TRDN: variants seen among roughly 807,000 people sequenced by gnomAD.
TRDN encodes the protein triadin in skeletal muscle.
Under a neutral mutation model 149.7 loss-of-function variants are expected in TRDN, and 161 were observed. That is an observed-to-expected ratio of 1.08 (90% CI 0.95 to 1.23). The LOEUF is 1.23. Ranked by LOEUF, TRDN falls within the 50% of genes most tolerant of loss-of-function variation. The pLI, the probability that TRDN is intolerant of heterozygous loss-of-function variation, is 0.00. For synonymous variants in TRDN, 294 were observed against 250.5 expected (o/e 1.17, Z -1.64); for missense variants, 896 against 823.5 (o/e 1.09, Z -1.08).
intron 12 of TRDN, among the ~76,000 whole-genome samples, chr6:123,416,990 A>G (rs940789901): frequency 3.9e-5 from 6 of 152,228 alleles, no homozygotes; most frequent in African/African-American, 1.2e-4. Context: ...GGCGTGAGCC[A>G]CCACGCCCAG....
chr6:123,321,888 C>T (rs1779256084), intron 23 of TRDN, among the ~76,000 whole-genome samples: 1 of 151,662 alleles, frequency 6.6e-6, no homozygotes. Flanking sequence ...ATTTCACTGC[C>T]TTTGAGTTTG....
At chr6:123,423,716 T>C (rs17738364) in intron 12 of TRDN, among the ~76,000 whole-genome samples, 7,911 of 152,252 alleles carry the variant, frequency 0.052, 285 homozygotes, top group Middle Eastern at 0.099. Context: ...AATCATAGTC[T>C]TGAAATACCT....
At chr6:123,334,390 G>T (rs945691689) in intron 22 of TRDN, among the ~76,000 whole-genome samples, 1 of 152,076 alleles carries the variant, frequency 6.6e-6, no homozygotes, top group Admixed American at 6.6e-5. Context: ...CAGAGGAGGA[G>T]AAATTACTTA....
chr6:123,464,474 C>A (rs1346273672), intron 10 of TRDN: 38 of 985,728 alleles, frequency 3.9e-5, no homozygotes, highest in Non-Finnish European at 4.6e-5. Flanking sequence ...GATGGCAAAA[C>A]TCATGAAGAG....
At chr6:123,270,818 G>A (rs574582324) in intron 30 of TRDN, among the ~76,000 whole-genome samples, 37 of 151,988 alleles carry the variant, frequency 2.4e-4, no homozygotes, top group African/African-American at 8.4e-4. Flanking sequence ...AGGAAATGTG[G>A]TTTAAAAATA....
chr6:123,460,355 A>T (rs1484475435), intron 10 of TRDN, among the ~76,000 whole-genome samples: 1 of 152,180 alleles, frequency 6.6e-6, no homozygotes, highest in Admixed American at 6.5e-5. Context: ...TTCCTGATGT[A>T]AAAAATATTA....
chr6:123,355,972 A>T (rs1048446519), intron 20 of TRDN, among the ~76,000 whole-genome samples: 7 of 151,890 alleles, frequency 4.6e-5, no homozygotes, highest in African/African-American at 1.7e-4. Flanking sequence ...TTCATTTGAC[A>T]TTTTATGCAG....
chr6:123,280,253 C>T (rs1024586321), intron 24 of TRDN, among the ~76,000 whole-genome samples: 8 of 152,038 alleles, frequency 5.3e-5, no homozygotes, highest in African/African-American at 1.9e-4. Context: ...ATTAAGTCAT[C>T]AGAAGAGCAC....
rs1338865455 is a variant in TRDN at position 123,235,224 on chromosome 6, T to C, written c.1976-11093A>G. ...GGGGATCAGTCTCTCAGATAGCCAA[T>C]AGGTATTTCCCAAAGGAAGTTAGAC... is the stretch of plus-strand genomic sequence containing the variant. On this transcript the variant is annotated intron_variant, in intron 38 of 40. Coordinates refer to ENST00000334268, the MANE Select transcript of TRDN (RefSeq NM_006073.4). Among the ~76,000 whole-genome samples the C allele has an allele frequency of 3.9e-5, 6 of 152,148 alleles. No individual in the cohort carries two copies. The East Asian group carries it at 1.2e-3, about 29-fold the overall frequency.
chr6:123,220,418 G>A (rs1373024276), intron 40 of TRDN, among the ~76,000 whole-genome samples: 2 of 151,774 alleles, frequency 1.3e-5, no homozygotes, highest in Admixed American at 6.6e-5. Context: ...TTACCAGTAG[G>A]TTAATAATTG....
chr6:123,494,914 A>G (rs1778375611), intron 9 of TRDN, among the ~76,000 whole-genome samples: 1 of 151,976 alleles, frequency 6.6e-6, no homozygotes, highest in East Asian at 2.0e-4. Context: ...TTGTATTTTT[A>G]GTAGAGACGG....
intron 12 of TRDN, among the ~76,000 whole-genome samples, chr6:123,408,022 G>T (rs1773267523): frequency 6.6e-6 from 1 of 152,142 alleles, no homozygotes; most frequent in Non-Finnish European, 1.5e-5. Flanking sequence ...GTGTGGCATT[G>T]GTGAATCATT....
chr6:123,533,012 G>C (rs1288271002), intron 4 of TRDN, among the ~76,000 whole-genome samples: 2 of 150,768 alleles, frequency 1.3e-5, no homozygotes, highest in Admixed American at 1.3e-4. Flanking sequence ...CTGTGAAGAA[G>C]ATTGGTGATT....
intron 14 of TRDN, among the ~76,000 whole-genome samples, chr6:123,382,741 G>A (rs1052119881): frequency 2.6e-5 from 4 of 151,878 alleles, no homozygotes; most frequent in South Asian, 4.1e-4. Context: ...TGTCTATTTC[G>A]TGGTCAAAAG....
chr6:123,378,823 G>A (rs945550282), intron 16 of TRDN, among the ~76,000 whole-genome samples: 1 of 152,024 alleles, frequency 6.6e-6, no homozygotes, highest in African/African-American at 2.4e-5. Flanking sequence ...TGCTCCTTTT[G>A]GAGTCCTCTT....
chr6:123,601,178 A>T (rs897508445), intron 1 of TRDN, among the ~76,000 whole-genome samples: 1 of 152,158 alleles, frequency 6.6e-6, no homozygotes, highest in African/African-American at 2.4e-5. Context: ...TCCATTTTTA[A>T]TAAAGATATC....
chr6:123,498,415 G>T (rs1308794928), intron 8 of TRDN: 7 of 347,236 alleles, frequency 2.0e-5, no homozygotes, highest in Non-Finnish European at 3.6e-5. Context: ...AGTTATTGAA[G>T]AAGATATAAA....
At chr6:123,269,241 C>T (rs190146194) in intron 31 of TRDN, among the ~76,000 whole-genome samples, 3 of 152,026 alleles carry the variant, frequency 2.0e-5, no homozygotes, top group Admixed American at 2.0e-4. Flanking sequence ...TGTGTCACAC[C>T]TGTACAGTGA....
chr6:123,492,725 C>T (rs949706964), intron 9 of TRDN, among the ~76,000 whole-genome samples: 3 of 151,896 alleles, frequency 2.0e-5, no homozygotes, highest in East Asian at 1.9e-4. Context: ...CTTGACCATC[C>T]GTACTATCAA....
Sources: allele counts gnomAD v4.1 joint callset (sites outside exome capture counted in the v4.1 genomes callset), GRCh38; gene constraint gnomAD v4.1.1; transcripts MANE v1.5; gene names NCBI Gene and HGNC (gene_info 2026-07-23, HGNC 2026-07-21).